FYB2: variants seen among roughly 807,000 people sequenced by gnomAD.
FYB2 encodes the protein FYN binding protein 2.
In FYB2, 103 loss-of-function variants were observed where a neutral mutation model predicts 94.1. That is an observed-to-expected ratio of 1.09 (90% CI 0.93 to 1.29). The LOEUF (loss-of-function observed/expected upper bound fraction) is 1.29. Among genes scored for constraint, FYB2 ranks in the 50% most tolerant of loss-of-function variants. The pLI is 0.00. For missense variants in FYB2, 896 were observed against 841.5 expected (o/e 1.06, Z -0.80); for synonymous variants, 293 against 287.9 (o/e 1.02, Z -0.18).
At position 56,762,645 on chromosome 1, in the gene FYB2, T is replaced by A. The variant is rs117647180; in HGVS notation, c.1064-3895A>T. ...GTTTTTGTGTGCTTTTTTGGTAAATTTCTTGGGAATTTCTATCTAGATAAT... is the reference window on the plus strand; with the variant it reads ...GTTTTTGTGTGCTTTTTTGGTAAATATCTTGGGAATTTCTATCTAGATAAT... On this transcript the variant is annotated intron_variant, in intron 5 of 19. Transcript: ENST00000343433. 3.7e-3 allele frequency among the ~76,000 whole-genome samples: 569 copies of A among 152,316 alleles called. 13 individuals are homozygous for A. The East Asian group carries it at 0.039, about 10-fold the overall frequency.
intron 8 of FYB2, among the ~76,000 whole-genome samples, chr1:56,751,825 T>C (rs1645206121): frequency 6.6e-6 from 1 of 152,028 alleles, no homozygotes; most frequent in Non-Finnish European, 1.5e-5. Flanking sequence ...AGATAATGCA[T>C]GCAAATGATT....
chr1:56,803,834 G>A (rs1646575793), intron 1 of FYB2, among the ~76,000 whole-genome samples: 2 of 152,150 alleles, frequency 1.3e-5, no homozygotes, highest in South Asian at 4.1e-4. Flanking sequence ...GTCATAGCAC[G>A]AAATCTACTG....
upstream of FYB2, among the ~76,000 whole-genome samples, chr1:56,820,861 C>G (rs145738244): frequency 8.3e-3 from 1,267 of 152,354 alleles, 5 homozygotes; most frequent in Middle Eastern, 0.02. Context: ...CTCCCCAAAG[C>G]AGTACTCACT....
upstream of FYB2, chr1:56,824,469 T>A (rs1174212748): frequency 6.6e-6 from 1 of 152,198 alleles, no homozygotes; most frequent in African/African-American, 2.4e-5. Context: ...ATGTGACTTA[T>A]GACTCATAAT....
chr1:56,795,638 C>CTT (rs35248546), intron 1 of FYB2, among the ~76,000 whole-genome samples: 105 of 147,864 alleles, frequency 7.1e-4, no homozygotes, highest in African/African-American at 1.8e-3. Flanking sequence ...TTCACCAACA[C>CTT]TTTTTTTTTT....
chr1:56,738,246 G>A (rs1644873471), intron 14 of FYB2, among the ~76,000 whole-genome samples: 1 of 152,076 alleles, frequency 6.6e-6, no homozygotes, highest in Non-Finnish European at 1.5e-5. Context: ...TAGGATGAAG[G>A]ATATCAAGTC....
At chr1:56,737,467 C>T (rs1644854533) in intron 14 of FYB2, 2 of 208,206 alleles carry the variant, frequency 9.6e-6, no homozygotes, top group African/African-American at 4.7e-5. Context: ...GACTAAGTTC[C>T]CATCTTTCTG....
chr1:56,816,868 T>C (rs1418457300), intron 1 of FYB2, among the ~76,000 whole-genome samples: 1 of 151,934 alleles, frequency 6.6e-6, no homozygotes, highest in East Asian at 1.9e-4. Flanking sequence ...ATTTTCTTTT[T>C]TTTTTTTTTG....
chr1:56,770,575 A>T (rs1405949648), intron 4 of FYB2, among the ~76,000 whole-genome samples: 1 of 152,208 alleles, frequency 6.6e-6, no homozygotes, highest in Non-Finnish European at 1.5e-5. Context: ...AATAACTGAA[A>T]TTTATTCCGA....
intron 5 of FYB2, among the ~76,000 whole-genome samples, chr1:56,763,642 C>T (rs1645553036): frequency 1.3e-5 from 2 of 151,882 alleles, no homozygotes; most frequent in South Asian, 4.2e-4. Flanking sequence ...GTTTCTTTTT[C>T]AGCCTTGCTA....
At chr1:56,796,892 T>C (rs1646413086) in intron 1 of FYB2, among the ~76,000 whole-genome samples, 1 of 152,230 alleles carries the variant, frequency 6.6e-6, no homozygotes, top group Non-Finnish European at 1.5e-5. Context: ...AAAATATTTG[T>C]TGGTTGCCTA....
At chr1:56,769,057 G>A (rs1428393749) in intron 4 of FYB2, among the ~76,000 whole-genome samples, 2 of 151,984 alleles carry the variant, frequency 1.3e-5, no homozygotes, top group African/African-American at 4.8e-5. Flanking sequence ...TATATTTTTT[G>A]AGACAGGTTC....
chr1:56,775,244 CT>C (rs1645848909), intron 4 of FYB2, among the ~76,000 whole-genome samples: 1 of 152,122 alleles, frequency 6.6e-6, no homozygotes, highest in Admixed American at 6.6e-5. Flanking sequence ...ACAAATAGAG[CT>C]TCTCTCAGCC....
chr1:56,750,686 G>C (rs1030648076), intron 9 of FYB2, among the ~76,000 whole-genome samples: 8 of 151,910 alleles, frequency 5.3e-5, no homozygotes, highest in African/African-American at 1.9e-4. Flanking sequence ...ATAAAAAAAA[G>C]AACAAACATT....
intron 9 of FYB2, 151 bp downstream of exon 9, chr1:56,750,893 T>C (rs901468204): frequency 2.0e-5 from 16 of 813,004 alleles, no homozygotes; most frequent in Middle Eastern, 6.9e-4. Flanking sequence ...AGTGTTTTTT[T>C]CCACTACTGC....
At chr1:56,773,941 T>C (rs1272627136) in intron 4 of FYB2, among the ~76,000 whole-genome samples, 3 of 152,070 alleles carry the variant, frequency 2.0e-5, no homozygotes, top group African/African-American at 7.2e-5. Flanking sequence ...AATTTCTATT[T>C]CCAGTAAACA....
At chr1:56,821,173 G>C (rs755886204), upstream of FYB2, among the ~76,000 whole-genome samples, 1 of 152,216 alleles carries the variant, frequency 6.6e-6, no homozygotes, top group East Asian at 1.9e-4. Context: ...AGTCCCAACT[G>C]ATAATTGGGC....
rs117013470 is a variant in FYB2 at position 56,753,641 on chromosome 1, G to A, written c.1227+198C>T. ...TAGTCCCAGCCCTGCTTCTAAGGTC[G>A]GCTTCATGGCTAAAAAGTGGAAAAT... On this transcript the variant is annotated intron_variant, in intron 8 of 19. Coordinates refer to ENST00000343433, the MANE Select transcript of FYB2 (RefSeq NM_001004303.5). Among the ~76,000 whole-genome samples the A allele has an allele frequency of 4.0e-4, 61 of 152,134 alleles. 1 individual carries two copies. In the East Asian group the frequency reaches 9.9e-3, roughly 25 times the overall value.
At chr1:56,774,317 T>C (rs912551367) in intron 4 of FYB2, among the ~76,000 whole-genome samples, 1 of 152,140 alleles carries the variant, frequency 6.6e-6, no homozygotes, top group Admixed American at 6.6e-5. Context: ...TAATCCTCTT[T>C]ATATGAGAAT....
Sources: allele counts gnomAD v4.1 joint callset (sites outside exome capture counted in the v4.1 genomes callset), GRCh38; gene constraint gnomAD v4.1.1; transcripts MANE v1.5; gene names NCBI Gene and HGNC (gene_info 2026-07-23, HGNC 2026-07-21).